Variants in RAPGEF4 observed in about 807,000 individuals in gnomAD.
The protein encoded by RAPGEF4 is Rap guanine nucleotide exchange factor 4.
A neutral mutation model predicts 147.9 loss-of-function variants in RAPGEF4; 66 were observed. The observed-to-expected ratio is 0.45, with a 90% CI of 0.37 to 0.55. The LOEUF (loss-of-function observed/expected upper bound fraction) is 0.55. Among genes scored for constraint, RAPGEF4 ranks in the 20% least tolerant of loss-of-function variants. The pLI, the probability that RAPGEF4 is intolerant of heterozygous loss-of-function variation, is 0.00. For missense variants in RAPGEF4, 1,071 were observed against 1,257.3 expected (o/e 0.85, Z 2.24); for synonymous variants, 419 against 442.7 (o/e 0.95, Z 0.67).
intron 23 of RAPGEF4, among the ~76,000 whole-genome samples, chr2:173,025,242 G>A (rs3769221): frequency 0.024 from 3,582 of 152,248 alleles, 71 homozygotes; most frequent in South Asian, 0.061. Context: ...ACCTTGCTTG[G>A]TCCTCTCTTA....
intron 4 of RAPGEF4, among the ~76,000 whole-genome samples, chr2:172,889,598 A>G (rs1697660825): frequency 6.6e-6 from 1 of 151,920 alleles, no homozygotes. Context: ...ATACGCAAGG[A>G]CAGGCTTTAA....
chr2:172,898,911 A>G (rs1001926182), intron 4 of RAPGEF4, among the ~76,000 whole-genome samples: 7 of 151,310 alleles, frequency 4.6e-5, no homozygotes, highest in Non-Finnish European at 8.8e-5. Context: ...TTAAAAAGGC[A>G]CTCCTCCACT....
At chr2:172,987,963 A>C (rs1460289310) in intron 12 of RAPGEF4, among the ~76,000 whole-genome samples, 1 of 152,258 alleles carries the variant, frequency 6.6e-6, no homozygotes, top group East Asian at 1.9e-4. Flanking sequence ...ATTGATATCT[A>C]CTAAAAACCT....
chr2:173,033,329 G>T (rs976190216), intron 26 of RAPGEF4, among the ~76,000 whole-genome samples: 1 of 152,192 alleles, frequency 6.6e-6, no homozygotes. Context: ...CATTGAAACT[G>T]TGAGACTTAA....
chr2:172,990,953 C>T, intron 15 of RAPGEF4, 28 bp downstream of exon 15: 1 of 1,492,650 alleles, frequency 6.7e-7, no homozygotes, highest in Non-Finnish European at 9.3e-7. Flanking sequence ...ACTGTAATTG[C>T]CAGACTATGA....
intron 16 of RAPGEF4, 109 bp downstream of exon 16, chr2:172,996,663 T>A: frequency 1.4e-6 from 1 of 736,062 alleles, no homozygotes; most frequent in Non-Finnish European, 2.3e-6. Context: ...GGAAGGGGAT[T>A]CTGTGTATTG....
chr2:172,820,984 C>T (rs1689009172), intron 4 of RAPGEF4, among the ~76,000 whole-genome samples: 1 of 152,130 alleles, frequency 6.6e-6, no homozygotes, highest in African/African-American at 2.4e-5. Flanking sequence ...GCAACAGCAG[C>T]TTAGTCTTTG....
At chr2:173,039,081 C>T (rs553444587) in intron 29 of RAPGEF4, among the ~76,000 whole-genome samples, 4 of 152,260 alleles carry the variant, frequency 2.6e-5, no homozygotes, top group African/African-American at 7.2e-5. Flanking sequence ...TGAATAGCTA[C>T]GATAGCCAGC....
intron 6 of RAPGEF4, among the ~76,000 whole-genome samples, chr2:172,937,661 G>A (rs944370217): frequency 1.1e-4 from 17 of 152,156 alleles, no homozygotes; most frequent in African/African-American, 4.1e-4. Context: ...TCTTTGGAAG[G>A]AAGTCATCGT....
chr2:172,921,368 G>A (rs138874147), intron 5 of RAPGEF4, among the ~76,000 whole-genome samples: 1 of 152,270 alleles, frequency 6.6e-6, no homozygotes, highest in African/African-American at 2.4e-5. Context: ...GACTACAGGT[G>A]TGAGCCACTG....
At chr2:172,747,167 C>G (rs79036167) in intron 1 of RAPGEF4, among the ~76,000 whole-genome samples, 2 of 152,176 alleles carry the variant, frequency 1.3e-5, no homozygotes, top group African/African-American at 4.8e-5. Context: ...AGCGTTAGAA[C>G]AGCCTTATTC....
At position 173,016,390 on chromosome 2, in the gene RAPGEF4, T is replaced by C. The variant is rs2105897193; in HGVS notation, c.1851T>C (p.Ala617=). The C allele has an allele frequency of 2.5e-6, 4 of 1,613,986 alleles. No individual in the cohort carries two copies. Among genetic ancestry groups the C allele is most frequent in the South Asian group, 1.1e-5 (1 of 91,080 alleles). ...VSVSDDARMI[A]ALKEQLPELE... is the part of the protein sequence containing the mutation. ...TATCAGATGATGCCCGGATGATTGC[T>C]GCCCTCAAGGAGCAACTGCCAGAGT... The change falls in exon 19 of 31, where the codon GCT becomes GCC. Residue 617 remains alanine, a synonymous_variant. Coordinates refer to ENST00000397081, the MANE Select transcript of RAPGEF4 (RefSeq NM_007023.4).
At chr2:172,949,946 T>G (rs184611617) in intron 6 of RAPGEF4, among the ~76,000 whole-genome samples, 22 of 152,346 alleles carry the variant, frequency 1.4e-4, no homozygotes, top group African/African-American at 5.3e-4. Context: ...TCCAAAGTTT[T>G]GAGAAATGGA....
At chr2:172,834,054 C>A (rs1259984712) in intron 4 of RAPGEF4, among the ~76,000 whole-genome samples, 2 of 152,158 alleles carry the variant, frequency 1.3e-5, no homozygotes, top group Non-Finnish European at 2.9e-5. Flanking sequence ...ATTCCCAGCA[C>A]TTATTCATCC....
At chr2:172,944,914 C>T (rs2105350440) in intron 6 of RAPGEF4, among the ~76,000 whole-genome samples, 1 of 152,192 alleles carries the variant, frequency 6.6e-6, no homozygotes, top group South Asian at 2.1e-4. Flanking sequence ...ACTGTGACCT[C>T]CAGGTAGAAA....
chr2:172,891,204 C>G (rs1207138171), intron 4 of RAPGEF4, among the ~76,000 whole-genome samples: 1 of 152,108 alleles, frequency 6.6e-6, no homozygotes, highest in African/African-American at 2.4e-5. Context: ...TCTGAACATG[C>G]GGTTCTGTGT....
chr2:172,957,778 C>T (rs1262145213), intron 6 of RAPGEF4, among the ~76,000 whole-genome samples: 1 of 152,182 alleles, frequency 6.6e-6, no homozygotes, highest in Non-Finnish European at 1.5e-5. Flanking sequence ...CCCTCTTGGT[C>T]CTGGAACTGG....
chr2:172,962,602 C>T (rs1345209865), intron 8 of RAPGEF4, among the ~76,000 whole-genome samples: 1 of 151,932 alleles, frequency 6.6e-6, no homozygotes, highest in African/African-American at 2.4e-5. Context: ...CAAACTAATA[C>T]TCTTCTGCTT....
intron 29 of RAPGEF4, chr2:173,048,304 A>T (rs78996903): frequency 0.073 from 24,214 of 331,394 alleles, 1,426 homozygotes; most frequent in East Asian, 0.36. Context: ...GTGAAAAAGC[A>T]CTAATGTACA....
Sources: allele counts gnomAD v4.1 joint callset (sites outside exome capture counted in the v4.1 genomes callset), GRCh38; gene constraint gnomAD v4.1.1; transcripts MANE v1.5; gene names NCBI Gene and HGNC (gene_info 2026-07-23, HGNC 2026-07-21).